BCAS3: variants seen among roughly 807,000 people sequenced by gnomAD.
BCAS3 encodes BCAS4/BCAS3 fusion.
In BCAS3, 53 loss-of-function variants were observed where a neutral mutation model predicts 116.1. That is an observed-to-expected ratio of 0.46 (90% CI 0.37 to 0.57). BCAS3 has a LOEUF of 0.57. BCAS3 is among the 20% of genes least tolerant of loss of function. The pLI is 0.00. For missense variants in BCAS3, 917 were observed against 1,165.4 expected (o/e 0.79, Z 3.10); for synonymous variants, 391 against 408.2 (o/e 0.96, Z 0.51).
chr17:60,845,481 T>A (rs554355334), intron 7 of BCAS3, among the ~76,000 whole-genome samples: 1 of 152,328 alleles, frequency 6.6e-6, no homozygotes, highest in South Asian at 2.1e-4. Flanking sequence ...TTGCTTATGA[T>A]CCTTAACAGT....
chr17:60,797,940 G>A (rs2047364051), intron 6 of BCAS3, among the ~76,000 whole-genome samples: 1 of 152,172 alleles, frequency 6.6e-6, no homozygotes, highest in Admixed American at 6.5e-5. Flanking sequence ...TACTCAGGAG[G>A]CTAAGGTGGG....
intron 7 of BCAS3, among the ~76,000 whole-genome samples, chr17:60,826,395 A>C: frequency 6.6e-6 from 1 of 151,978 alleles, no homozygotes; most frequent in Non-Finnish European, 1.5e-5. Flanking sequence ...ATGTTGCCTC[A>C]AATTCCTGGG....
At chr17:60,966,578 C>G (rs1363326234) in intron 14 of BCAS3, among the ~76,000 whole-genome samples, 1 of 151,042 alleles carries the variant, frequency 6.6e-6, no homozygotes, top group Non-Finnish European at 1.5e-5. Flanking sequence ...TACAACTTAT[C>G]TTAGATCACA....
chr17:61,069,885 G>A (rs375476648), intron 19 of BCAS3: 15 of 1,107,332 alleles, frequency 1.4e-5, no homozygotes, highest in Admixed American at 1.2e-4. Context: ...CGCCGAAAGC[G>A]AAGAAGGAAG....
rs1477928361 is a variant in BCAS3, at chr17:60,947,279, C to T, written c.1148C>T (p.Thr383Ile). The T allele has an allele frequency of 6.2e-7, 1 of 1,612,762 alleles. No homozygotes were observed. The highest frequency in any genetic ancestry group is 8.5e-7 in the Non-Finnish European group (1 of 1,178,780). ...GHDFHVFQILTHPWSSSQCAV... is the reference protein window; with the variant it reads ...GHDFHVFQILIHPWSSSQCAV... ...GACTTTCATGTCTTCCAAATTCTGA[C>T]TCATCCTTGGTCCTCATCACAATGT... The change falls in exon 14 of 24, where the codon ACT becomes ATT. Residue 383 changes from threonine to isoleucine, a missense_variant. Thr to Ile is a moderately conservative substitution (Grantham distance 89, BLOSUM62 -1). This residue lies in a region of BCAS3 where 807 missense variants were observed against 1,026.0 expected (regional missense o/e 0.79). Coordinates refer to ENST00000407086, the MANE Select transcript of BCAS3 (RefSeq NM_017679.5).
intron 5 of BCAS3, among the ~76,000 whole-genome samples, chr17:60,736,566 C>G (rs951398360): frequency 2.4e-4 from 36 of 152,098 alleles, no homozygotes; most frequent in African/African-American, 8.7e-4. Context: ...ATGCTTCTGT[C>G]TTCCAAAGAG....
rs942349313 is a variant in BCAS3, at chr17:61,227,936, C to A, written c.2426-140391C>A. Among the ~76,000 whole-genome samples, 1 of 152,102 alleles carries A rather than the reference C, an allele frequency of 6.6e-6. No individual in the cohort carries two copies. Among genetic ancestry groups the A allele is most frequent in the Non-Finnish European group, 1.5e-5 (1 of 68,024 alleles). On this transcript the variant is annotated intron_variant, in intron 22 of 23. Coordinates refer to ENST00000407086, the MANE Select transcript of BCAS3 (RefSeq NM_017679.5). This position sits in a 1 kb window ranked among gnomAD's most constrained non-coding sequence, Gnocchi z 6.1. ...ACTTTTCCTATTACTTGGGAGTGAACCCTCAGGGAAATAAAGTGCAAAGGC... is the reference window on the plus strand; with the variant it reads ...ACTTTTCCTATTACTTGGGAGTGAAACCTCAGGGAAATAAAGTGCAAAGGC...
intron 10 of BCAS3, among the ~76,000 whole-genome samples, chr17:60,899,263 C>G (rs765943806): frequency 6.6e-6 from 1 of 152,036 alleles, no homozygotes; most frequent in African/African-American, 2.4e-5. Context: ...GCTCACCCCC[C>G]AGTCCCGGTG....
At position 61,190,216 on chromosome 17, in the gene BCAS3, T is replaced by C. The variant is rs1017001373; in HGVS notation, c.2425+105652T>C. 3.5e-4 allele frequency among the ~76,000 whole-genome samples: 53 copies of C among 152,104 alleles called. 1 individual carries two copies. The highest frequency in any genetic ancestry group is 1.2e-3 in the African/African-American group (50 of 41,500). Reference sequence around the variant, plus strand: ...AAGAGGAAAGCCACATTACCACGAATTATAGAATGAATAGAAATGACTAGC... The same window carrying C: ...AAGAGGAAAGCCACATTACCACGAACTATAGAATGAATAGAAATGACTAGC... On this transcript the variant is annotated intron_variant, in intron 22 of 23. Transcript: ENST00000407086.
rs2057578432 is a variant in BCAS3 at position 61,347,633 on chromosome 17, C to T, written c.2426-20694C>T. Among the ~76,000 whole-genome samples, 2 of 152,306 alleles carry T rather than the reference C, an allele frequency of 1.3e-5. No individual in the cohort carries two copies. Among genetic ancestry groups the T allele is most frequent in the African/African-American group, 4.8e-5 (2 of 41,558 alleles). On this transcript the variant is annotated intron_variant, in intron 22 of 23. Transcript: ENST00000407086. The surrounding 1 kb of genome is among the most constrained non-coding windows in gnomAD (Gnocchi z 4.3). ...TTTGTCTGTCTCCTTTACCAAATTT[C>T]CCATCATCCAGCATAGCGACTGGTG...
Position 61,124,753 on chromosome 17 carries a change from A to C in BCAS3, c.2425+40189A>C, listed in dbSNP as rs2075968876. On this transcript the variant is annotated intron_variant, in intron 22 of 23. Transcript: ENST00000407086. The surrounding 1 kb of genome is among the most constrained non-coding windows in gnomAD (Gnocchi z 4.6). ...ATGGGTCTGCCTGCCAAGTGATCCC[A>C]GGTGTGGGATTGCAGCAGGTAATTT... Among the ~76,000 whole-genome samples the C allele has an allele frequency of 6.6e-6, 1 of 152,204 alleles. No homozygotes were observed. The highest frequency in any genetic ancestry group is 2.1e-4 in the South Asian group (1 of 4,830).
chr17:60,679,391 C>A, intron 1 of BCAS3, 62 bp from the exon 2 acceptor site: 4 of 1,287,574 alleles, frequency 3.1e-6, no homozygotes, highest in Non-Finnish European at 4.5e-6. Context: ...AATCTTCCTC[C>A]CTACCCCCAA....
chr17:60,751,657 C>T (rs2042477967), intron 6 of BCAS3, among the ~76,000 whole-genome samples: 1 of 151,980 alleles, frequency 6.6e-6, no homozygotes, highest in Admixed American at 6.5e-5. Context: ...ATTCTCCTGC[C>T]TCAGCCTCCC....
At chr17:60,832,545 A>G (rs1224301915) in intron 7 of BCAS3, among the ~76,000 whole-genome samples, 3 of 152,188 alleles carry the variant, frequency 2.0e-5, no homozygotes, top group Non-Finnish European at 4.4e-5. Flanking sequence ...TTATAAATCA[A>G]TGTGACATAG....
chr17:60,754,707 A>C, intron 6 of BCAS3, among the ~76,000 whole-genome samples: 1 of 27,448 alleles, frequency 3.6e-5, no homozygotes, highest in South Asian at 0.016. Context: ...ACACACACAC[A>C]CACACACACA....
In BCAS3 at chr17:61,323,015, C is replaced by T. The variant is rs187393891; in HGVS notation, c.2426-45312C>T. On this transcript the variant is annotated intron_variant, in intron 22 of 23. Transcript: ENST00000407086. The surrounding 1 kb of genome is among the most constrained non-coding windows in gnomAD (Gnocchi z 4.6). ...CTTTTTTTTTAAAGGCGTGTTGTGGCTATTTTGATGCCTTTTGAAAGTGCC... is the reference window on the plus strand; with the variant it reads ...CTTTTTTTTTAAAGGCGTGTTGTGGTTATTTTGATGCCTTTTGAAAGTGCC... 1.2e-3 allele frequency among the ~76,000 whole-genome samples: 187 copies of T among 151,800 alleles called. No homozygotes were observed. The highest frequency in any genetic ancestry group is 3.0e-3 in the Admixed American group (46 of 15,230).
At chr17:61,052,486 G>A (rs2068950413) in intron 19 of BCAS3, among the ~76,000 whole-genome samples, 1 of 152,116 alleles carries the variant, frequency 6.6e-6, no homozygotes, top group Non-Finnish European at 1.5e-5. Flanking sequence ...CAGATGAGAA[G>A]TAAAAGCAAG....
intron 7 of BCAS3, among the ~76,000 whole-genome samples, chr17:60,815,990 T>A (rs1173935631): frequency 6.6e-6 from 1 of 152,218 alleles, no homozygotes; most frequent in African/African-American, 2.4e-5. Context: ...AGTATCACTT[T>A]TTTATGACTG....
At chr17:60,914,667 A>C (rs1414902736) in intron 12 of BCAS3, among the ~76,000 whole-genome samples, 6 of 152,032 alleles carry the variant, frequency 3.9e-5, no homozygotes, top group Non-Finnish European at 7.4e-5. Context: ...AGCAAGACCA[A>C]CCCCTTTTCT....
Sources: allele counts gnomAD v4.1 joint callset (sites outside exome capture counted in the v4.1 genomes callset), GRCh38; gene constraint gnomAD v4.1.1; regional missense constraint gnomAD v4.1.1; non-coding constraint Gnocchi (gnomAD v3.1); transcripts MANE v1.5; gene names NCBI Gene and HGNC (gene_info 2026-07-23, HGNC 2026-07-21).